GCNT1: variants seen among roughly 807,000 people sequenced by gnomAD.
The protein encoded by GCNT1 is glucosaminyl (N-acetyl) transferase 1, also known as beta-1,3-galactosyl-O-glycosyl-glycoprotein beta-1,6-N-acetylglucosaminyltransferase.
In GCNT1, 16 loss-of-function variants were observed where a neutral mutation model predicts 26.2. The observed-to-expected ratio is 0.61, with a 90% CI of 0.41 to 0.93. GCNT1 has a LOEUF of 0.93. Among genes scored for constraint, GCNT1 ranks in the 40% least tolerant of loss-of-function variants. The pLI, the probability that GCNT1 is intolerant of heterozygous loss-of-function variation, is 0.00. For synonymous variants in GCNT1, 183 were observed against 190.8 expected, an observed-to-expected ratio of 0.96 and a Z score of 0.34; for missense variants, 477 against 526.7, an observed-to-expected ratio of 0.91 and a Z score of 0.92.
intron 2 of GCNT1, among the ~76,000 whole-genome samples, chr9:76,496,695 A>T (rs774772511): frequency 6.6e-6 from 1 of 152,166 alleles, no homozygotes; most frequent in Non-Finnish European, 1.5e-5. Context: ...TATATAAAAG[A>T]TAAGTATTTA....
upstream of GCNT1, among the ~76,000 whole-genome samples, chr9:76,419,365 G>T (rs1385447674): frequency 2.0e-5 from 3 of 152,146 alleles, no homozygotes; most frequent in Non-Finnish European, 4.4e-5. Context: ...AAAATAAATG[G>T]AAAATAAATA....
At chr9:76,478,153 G>A (rs1432135651) in intron 2 of GCNT1, among the ~76,000 whole-genome samples, 1 of 152,218 alleles carries the variant, frequency 6.6e-6, no homozygotes, top group Non-Finnish European at 1.5e-5. Flanking sequence ...GGCCATCCCA[G>A]CGAGTAGCGG....
At chr9:76,485,163 T>C (rs1824539370) in intron 2 of GCNT1, among the ~76,000 whole-genome samples, 1 of 151,786 alleles carries the variant, frequency 6.6e-6, no homozygotes, top group African/African-American at 2.4e-5. Context: ...ATATTGTTTG[T>C]TTATTATATG....
the GCNT1 span, among the ~76,000 whole-genome samples, chr9:76,398,505 T>C: frequency 6.6e-6 from 1 of 152,238 alleles, no homozygotes; most frequent in African/African-American, 2.4e-5. Flanking sequence ...GAAGATAATA[T>C]GGCAGTTTCT....
chr9:76,433,719 G>A (rs1336783639), intron 1 of GCNT1, among the ~76,000 whole-genome samples: 1 of 152,192 alleles, frequency 6.6e-6, no homozygotes, highest in Non-Finnish European at 1.5e-5. Context: ...AGGGAAGCCT[G>A]GGCAGGGGTA....
chr9:76,428,292 T>TAAAAAAAAAA (rs1279001629), intron 1 of GCNT1, among the ~76,000 whole-genome samples: 50 of 85,898 alleles, frequency 5.8e-4, no homozygotes, highest in Non-Finnish European at 7.7e-4. Context: ...AAAAAAAACT[T>TAAAAAAAAAA]AAAAAAAAAA....
At chr9:76,397,578 G>A in the GCNT1 span, among the ~76,000 whole-genome samples, 1 of 151,916 alleles carries the variant, frequency 6.6e-6, no homozygotes, top group Non-Finnish European at 1.5e-5. Context: ...CGAGTAGCTG[G>A]GACTACAGGT....
At chr9:76,478,575 C>T (rs952967939) in intron 2 of GCNT1, among the ~76,000 whole-genome samples, 1 of 152,222 alleles carries the variant, frequency 6.6e-6, no homozygotes, top group Non-Finnish European at 1.5e-5. Flanking sequence ...ATTTCAGACA[C>T]AATAGCATAT....
At chr9:76,433,909 T>A (rs1168278996) in intron 1 of GCNT1, among the ~76,000 whole-genome samples, 2 of 152,174 alleles carry the variant, frequency 1.3e-5, no homozygotes, top group African/African-American at 4.8e-5. Context: ...ATCCCTCAAT[T>A]GTTGCAAAGT....
intron 2 of GCNT1, among the ~76,000 whole-genome samples, chr9:76,498,836 T>C (rs1281953383): frequency 1.3e-5 from 2 of 151,980 alleles, no homozygotes; most frequent in Non-Finnish European, 2.9e-5. Flanking sequence ...CAACACAGTT[T>C]TATCATCATA....
At chr9:76,487,254 C>T (rs1159535125) in intron 2 of GCNT1, among the ~76,000 whole-genome samples, 4 of 152,152 alleles carry the variant, frequency 2.6e-5, no homozygotes, top group Non-Finnish European at 4.4e-5. Flanking sequence ...CCTTGGGTGG[C>T]GTTTGGGCTC....
intron 1 of GCNT1, among the ~76,000 whole-genome samples, chr9:76,431,655 C>G (rs1282314195): frequency 1.3e-5 from 2 of 152,160 alleles, no homozygotes; most frequent in African/African-American, 4.8e-5. Flanking sequence ...AACTCAATCT[C>G]CAGCCCCAGT....
At chr9:76,463,750 C>T (rs868327368) in intron 2 of GCNT1, among the ~76,000 whole-genome samples, 1 of 94,658 alleles carries the variant, frequency 1.1e-5, no homozygotes, top group South Asian at 3.1e-4. Flanking sequence ...GCTTATGAGC[C>T]AAACACATAG....
intron 2 of GCNT1, among the ~76,000 whole-genome samples, chr9:76,469,582 G>A (rs928247836): frequency 6.6e-6 from 1 of 152,086 alleles, no homozygotes; most frequent in African/African-American, 2.4e-5. Flanking sequence ...TGTTTGTTAC[G>A]GCTTGAGCTG....
At chr9:76,396,720 T>C in the GCNT1 span, among the ~76,000 whole-genome samples, 1 of 152,202 alleles carries the variant, frequency 6.6e-6, no homozygotes, top group Non-Finnish European at 1.5e-5. Flanking sequence ...CGCTCACCTG[T>C]GGTCCTAGAT....
intron 2 of GCNT1, among the ~76,000 whole-genome samples, chr9:76,494,654 G>T (rs1467124457): frequency 6.6e-6 from 1 of 152,156 alleles, no homozygotes; most frequent in Non-Finnish European, 1.5e-5. Context: ...ATTCTTATAG[G>T]AGAAACTAGA....
chr9:76,459,835 T>A (rs1823833267), intron 1 of GCNT1, among the ~76,000 whole-genome samples: 1 of 152,148 alleles, frequency 6.6e-6, no homozygotes, highest in South Asian at 2.1e-4. Flanking sequence ...CTCCGAAGCC[T>A]CTCCTTTCCT....
intron 2 of GCNT1, among the ~76,000 whole-genome samples, chr9:76,487,505 A>T (rs879078531): frequency 3.3e-5 from 5 of 152,196 alleles, no homozygotes; most frequent in Admixed American, 3.3e-4. Context: ...GTTTATGCAT[A>T]GATGTGTGCA....
chr9:76,431,184 C>T (rs993378124), intron 1 of GCNT1, among the ~76,000 whole-genome samples: 1 of 152,112 alleles, frequency 6.6e-6, no homozygotes, highest in Non-Finnish European at 1.5e-5. Context: ...CCCAACTGGG[C>T]TAACAATAAC....
Sources: allele counts gnomAD v4.1 joint callset (sites outside exome capture counted in the v4.1 genomes callset), GRCh38; gene constraint gnomAD v4.1.1; transcripts MANE v1.5; gene names NCBI Gene and HGNC (gene_info 2026-07-23, HGNC 2026-07-21).